SPTAN1: variants seen among roughly 807,000 people sequenced by gnomAD.
SPTAN1 encodes the protein spectrin alpha, non-erythrocytic 1, also known as spectrin alpha chain, non-erythrocytic 1.
Under a neutral mutation model 331.3 loss-of-function variants are expected in SPTAN1, and 61 were observed. The ratio of observed to expected loss-of-function variants is 0.18; its 90% CI spans 0.15 to 0.23. The LOEUF (loss-of-function observed/expected upper bound fraction) is 0.23. Among genes scored for constraint, SPTAN1 ranks in the 10% least tolerant of loss-of-function variants. The pLI, the probability that SPTAN1 is intolerant of heterozygous loss-of-function variation, is 1.00. For synonymous variants in SPTAN1, 1,153 were observed against 1,173.9 expected (o/e 0.98, Z 0.36); for missense variants, 2,043 against 3,147.9 (o/e 0.65, Z 8.40).
At chr9:128,628,819 G>A (rs1363586278) in intron 51 of SPTAN1, 6 of 288,186 alleles carry the variant, frequency 2.1e-5, no homozygotes, top group African/African-American at 4.3e-5. Flanking sequence ...GCCTGTGCCC[G>A]TAGGACACCC....
At position 128,627,504 on chromosome 9, in the gene SPTAN1, AG is replaced by A; in HGVS notation, c.6689+7del. On this transcript the variant is annotated splice_region_variant and intron_variant, in intron 50 of 56. Coordinates refer to ENST00000372739, the MANE Select transcript of SPTAN1 (RefSeq NM_001130438.3). This position sits in a 1 kb window ranked among gnomAD's most constrained non-coding sequence, Gnocchi z 4.9. ...CAGTGGATCCAAGAGACCAGGTGCC[AG>A]CCCGCTGGGGCCGGGGAGCAGCAGC... is the stretch of plus-strand genomic sequence containing the variant. The A allele has an allele frequency of 6.4e-7, 1 of 1,550,448 alleles. No homozygotes were observed. The highest frequency in any genetic ancestry group is 8.7e-7 in the Non-Finnish European group (1 of 1,146,514).
At position 128,632,710 on chromosome 9, in the gene SPTAN1, T is replaced by G. The variant is rs1316009329; in HGVS notation, c.7152T>G (p.Asp2384Glu). 1.2e-6 allele frequency: 2 copies of G among 1,613,984 alleles called. No individual in the cohort carries two copies. The highest frequency in any genetic ancestry group is 1.7e-6 in the Non-Finnish European group (2 of 1,180,030). The change falls in exon 55 of 57, where the codon GAT becomes GAG. Residue 2384 changes from aspartate (D) to glutamate (E), a missense_variant. Physicochemically the swap from Asp to Glu is conservative, Grantham distance 45 (BLOSUM62 2). This residue lies in a region of SPTAN1 where 58 missense variants were observed against 74.0 expected (regional missense o/e 0.78). Coordinates refer to ENST00000372739, the MANE Select transcript of SPTAN1 (RefSeq NM_001130438.3). ...TCGAGGCAATCCTGGACACGGTGGA[T>G]CCGAACAGGTAAATTAATTAAGGCC... is the stretch of plus-strand genomic sequence containing the variant. The part of the protein sequence containing the change: ...PEFEAILDTV[D>E]PNRDGHVSLQ...
chr9:128,589,766 G>A (rs1261409186), intron 21 of SPTAN1, among the ~76,000 whole-genome samples: 5 of 150,184 alleles, frequency 3.3e-5, no homozygotes, highest in East Asian at 2.0e-4. Flanking sequence ...TAGTAGAGAC[G>A]GGGTTTCACC....
At position 128,566,963 on chromosome 9, in the gene SPTAN1, C is replaced by T; in HGVS notation, c.223C>T (p.Pro75Ser). The T allele has an allele frequency of 6.2e-7, 1 of 1,614,088 alleles. No homozygotes were observed. The highest frequency in any genetic ancestry group is 2.2e-5 in the East Asian group (1 of 44,892). ...QIASDENYKD[P>S]TNLQGKLQKH... ...TGCATCTGATGAGAATTATAAAGACCCAACCAACTTGCAGGTACGTCTGAT... is the reference window on the plus strand; with the variant it reads ...TGCATCTGATGAGAATTATAAAGACTCAACCAACTTGCAGGTACGTCTGAT... The change falls in exon 2 of 57, where the codon CCA becomes TCA. Residue 75 changes from proline (P) to serine (S), a missense_variant. Coordinates refer to ENST00000372739, the MANE Select transcript of SPTAN1 (RefSeq NM_001130438.3).
At chr9:128,584,687 G>T (rs1852354518) in intron 17 of SPTAN1, 34 bp from the exon 18 acceptor site, 2 of 1,614,188 alleles carry the variant, frequency 1.2e-6, no homozygotes, top group Non-Finnish European at 8.5e-7. Flanking sequence ...TTCTCTTCAT[G>T]GTTGGATAAC....
At position 128,607,789 on chromosome 9, in the gene SPTAN1, G is replaced by T. The variant is rs1371372301; in HGVS notation, c.4147-63G>T. 9.3e-6 allele frequency: 15 copies of T among 1,610,908 alleles called. No individual in the cohort carries two copies. In the African/African-American group the frequency reaches 1.9e-4, roughly 20 times the overall value. On this transcript the variant is annotated intron_variant, in intron 32 of 56. Transcript: ENST00000372739. ...TCATTCCCACCCTTTGTGGTGAGTC[G>T]GTGGTTGACGTCAGAGTGGGCATCT...
rs1589425359 is a variant in SPTAN1, at chr9:128,633,649, T to A, written c.*315T>A. On this transcript the variant is annotated 3_prime_UTR_variant, in exon 57 of 57. Coordinates refer to ENST00000372739, the MANE Select transcript of SPTAN1 (RefSeq NM_001130438.3). ...TTTCATGTAAAAGACAAATAAATGA[T>A]GACTTCCCCCAAAGCTTTGCTTTTC... 1 of 1,398,850 alleles carries A rather than the reference T, an allele frequency of 7.1e-7. No homozygotes were observed. The highest frequency in any genetic ancestry group is 2.0e-5 in the Admixed American group (1 of 49,600). 86.7% of individuals were successfully genotyped at this position (1,398,850 alleles called of 1,614,324 possible). A position where few individuals can be genotyped will look rare whatever the true frequency, so the allele number is the denominator to read the frequency against.
At position 128,583,060 on chromosome 9, in the gene SPTAN1, C is replaced by T. The variant is rs1057524223; in HGVS notation, c.1807-17C>T. On this transcript the variant is annotated splice_polypyrimidine_tract_variant and intron_variant, in intron 14 of 56. Coordinates refer to ENST00000372739, the MANE Select transcript of SPTAN1 (RefSeq NM_001130438.3). Reference sequence around the variant, plus strand: ...CTCAGGTTCAAGATAGAAAGAACCCCCTTCTTTTATTCACAGGATCCATCC... The same window carrying T: ...CTCAGGTTCAAGATAGAAAGAACCCTCTTCTTTTATTCACAGGATCCATCC... The T allele has an allele frequency of 6.8e-6, 11 of 1,612,532 alleles. No homozygotes were observed. The highest frequency in any genetic ancestry group is 9.3e-6 in the Non-Finnish European group (11 of 1,178,802).
In SPTAN1 at chr9:128,608,016, C is replaced by T. The variant is rs1346213108; in HGVS notation, c.4311C>T (p.Arg1437=). The change falls in exon 33 of 57, where the codon CGC becomes CGT. Residue 1437 remains arginine, a synonymous_variant. Transcript: ENST00000372739. ...ACCTGGAGAAGGCCTGGGTTCAGCG[C>T]AGGATGATGCTGGATCAGTGCCTTG... is the stretch of plus-strand genomic sequence containing the variant. The part of the protein sequence containing the change: ...RADLEKAWVQ[R]RMMLDQCLEL... 3 of 1,614,110 alleles carry T rather than the reference C, an allele frequency of 1.9e-6. No individual in the cohort carries two copies. Among genetic ancestry groups the T allele is most frequent in the Non-Finnish European group, 2.5e-6 (3 of 1,180,030 alleles).
chr9:128,566,982 G>T lies in SPTAN1; in HGVS notation c.237+5G>T. 6.2e-7 allele frequency: 1 copy of T among 1,613,968 alleles called. No individual in the cohort carries two copies. The highest frequency in any genetic ancestry group is 1.1e-5 in the South Asian group (1 of 90,986). Reference sequence around the variant, plus strand: ...AAAGACCCAACCAACTTGCAGGTACGTCTGATCTCCTGGGATTCCTGCCAA... The same window carrying T: ...AAAGACCCAACCAACTTGCAGGTACTTCTGATCTCCTGGGATTCCTGCCAA... On this transcript the variant is annotated splice_donor_5th_base_variant and intron_variant, in intron 2 of 56. Transcript: ENST00000372739.
At position 128,599,001 on chromosome 9, in the gene SPTAN1, CTG is replaced by C. The variant is rs1470954804; in HGVS notation, c.3543+22_3543+23del. ...TGATGCCCAGGGTAAGTTTCGGGTG[CTG>C]TGTGTGGATCTTGAACATGAGAAGG... is the stretch of plus-strand genomic sequence containing the variant. On this transcript the variant is annotated intron_variant, in intron 26 of 56. Coordinates refer to ENST00000372739, the MANE Select transcript of SPTAN1 (RefSeq NM_001130438.3). 2.0e-5 allele frequency: 32 copies of C among 1,613,116 alleles called. No homozygotes were observed. The highest frequency in any genetic ancestry group is 2.6e-5 in the Non-Finnish European group (31 of 1,179,214).
Position 128,633,366 on chromosome 9 carries a change from T to C in SPTAN1, c.*32T>C. ...CCCTGGGTCACCCACCCCTCGCTGCTTGCCCTGCGTCGCCTTGCTGCATGT... is the reference window on the plus strand; with the variant it reads ...CCCTGGGTCACCCACCCCTCGCTGCCTGCCCTGCGTCGCCTTGCTGCATGT... On this transcript the variant is annotated 3_prime_UTR_variant, in exon 57 of 57. Coordinates refer to ENST00000372739, the MANE Select transcript of SPTAN1 (RefSeq NM_001130438.3). 2 of 1,613,304 alleles carry C rather than the reference T, an allele frequency of 1.2e-6. No individual in the cohort carries two copies. The highest frequency in any genetic ancestry group is 1.7e-6 in the Non-Finnish European group (2 of 1,180,004).
chr9:128,566,929 A>T lies in SPTAN1; in HGVS notation c.189A>T (p.Lys63Asn). 1 of 1,614,172 alleles carries T rather than the reference A, an allele frequency of 6.2e-7. No individual in the cohort carries two copies. The highest frequency in any genetic ancestry group is 8.5e-7 in the Non-Finnish European group (1 of 1,180,018). Residue 63 changes from lysine (K) to asparagine (N), a missense_variant, in exon 2 of 57, where the codon AAA becomes AAT. By Grantham distance (94) the Lys-to-Asn change is moderately conservative. Transcript: ENST00000372739. ...AGCTGGAGAAATGGATACAGGAAAA[A>T]CTTCAGATTGCATCTGATGAGAATT... ...AEELEKWIQEKLQIASDENYK... is the reference protein window; with the variant it reads ...AEELEKWIQENLQIASDENYK...
At position 128,577,892 on chromosome 9, in the gene SPTAN1, A is replaced by G. The variant is rs1285668055; in HGVS notation, c.1086-218A>G. ...TGAAAATGTGGGACAGGATTGGGGC[A>G]TTATAGTGATGGAGAGAACCTAAGT... On this transcript the variant is annotated intron_variant, in intron 8 of 56. Coordinates refer to ENST00000372739, the MANE Select transcript of SPTAN1 (RefSeq NM_001130438.3). This position sits in a 1 kb window ranked among gnomAD's most constrained non-coding sequence, Gnocchi z 4.2. Among the ~76,000 whole-genome samples the G allele has an allele frequency of 2.7e-5, 4 of 150,610 alleles. No individual in the cohort carries two copies. Among genetic ancestry groups the G allele is most frequent in the Non-Finnish European group, 4.4e-5 (3 of 67,488 alleles).
intron 27 of SPTAN1, among the ~76,000 whole-genome samples, chr9:128,601,057 C>A (rs1855086289): frequency 7.2e-6 from 1 of 138,888 alleles, no homozygotes. Flanking sequence ...GATCTCAGCT[C>A]ACTGCAACCT....
intron 9 of SPTAN1, among the ~76,000 whole-genome samples, chr9:128,578,849 A>C (rs1319335782): frequency 1.3e-5 from 2 of 152,076 alleles, no homozygotes; most frequent in South Asian, 4.1e-4. Flanking sequence ...AAAAAAAAAA[A>C]AAAAACCTTC....
chr9:128,617,030 G>A (rs1417218047), intron 41 of SPTAN1, among the ~76,000 whole-genome samples: 2 of 152,206 alleles, frequency 1.3e-5, no homozygotes. Context: ...TTGAATCCAA[G>A]AGTTTGAGAC....
At chr9:128,603,974 G>T (rs1855498548) in intron 28 of SPTAN1, among the ~76,000 whole-genome samples, 1 of 152,212 alleles carries the variant, frequency 6.6e-6, no homozygotes, top group South Asian at 2.1e-4. Context: ...GTGTTGGGAG[G>T]CAGCAGACTC....
chr9:128,600,266 T>G, intron 27 of SPTAN1, 151 bp downstream of exon 27: 1 of 856,196 alleles, frequency 1.2e-6, no homozygotes, highest in South Asian at 1.4e-5. Flanking sequence ...ATCTGTTAAC[T>G]CTAAAATGTG....
Sources: gnomAD v4.1 joint callset for allele counts (sites outside exome capture counted in the v4.1 genomes callset) on GRCh38, gnomAD v4.1.1 for gene constraint, gnomAD v4.1.1 regional missense constraint, Gnocchi (gnomAD v3.1) non-coding constraint, MANE v1.5 for transcripts, NCBI Gene and HGNC (gene_info 2026-07-23, HGNC 2026-07-21) for gene names.